PHIP: variants seen among roughly 807,000 people sequenced by gnomAD.
PHIP encodes the protein PHIP subunit of CUL4-Ring ligase complex, also known as PH-interacting protein.
In PHIP, 54 loss-of-function variants were observed where a neutral mutation model predicts 236.8. That is an observed-to-expected ratio of 0.23 (90% CI 0.18 to 0.29). The LOEUF (loss-of-function observed/expected upper bound fraction) is 0.29. PHIP is among the 10% of genes least tolerant of loss of function. The probability of loss-of-function intolerance (pLI) is 1.00; values close to 1 mark genes in which losing one functional copy is unlikely to be tolerated. For missense variants in PHIP, 1,370 were observed against 2,190.8 expected (o/e 0.63, Z 7.48); for synonymous variants, 756 against 718.9 (o/e 1.05, Z -0.83).
chr6:78,965,904 G>T, intron 28 of PHIP, 41 bp downstream of exon 28: 1 of 1,448,106 alleles, frequency 6.9e-7, no homozygotes, highest in Non-Finnish European at 9.7e-7. Flanking sequence ...AAAATTCAAA[G>T]CAAGCCTAGG....
At chr6:78,954,466 A>T (rs1322610328) in intron 35 of PHIP, among the ~76,000 whole-genome samples, 1 of 152,124 alleles carries the variant, frequency 6.6e-6, no homozygotes, top group Admixed American at 6.6e-5. Flanking sequence ...CGTAGGCATT[A>T]TTCTTTTTTT....
At chr6:79,015,808 C>T (rs1770808790) in intron 13 of PHIP, 25 bp from the exon 14 acceptor site, 1 of 1,577,706 alleles carries the variant, frequency 6.3e-7, no homozygotes, top group Non-Finnish European at 8.6e-7. Context: ...GTGTTTTACA[C>T]TGACTATTAA....
intron 21 of PHIP, among the ~76,000 whole-genome samples, chr6:78,986,157 T>C (rs1768856466): frequency 6.6e-6 from 1 of 152,232 alleles, no homozygotes; most frequent in Non-Finnish European, 1.5e-5. Context: ...TATGTTTTAC[T>C]TATTAAAACA....
At chr6:79,072,528 C>T (rs1045047312) in intron 4 of PHIP, among the ~76,000 whole-genome samples, 12 of 151,964 alleles carry the variant, frequency 7.9e-5, no homozygotes, top group Admixed American at 2.0e-4. Flanking sequence ...GTCACCCACG[C>T]TGGAGGGCAG....
At chr6:78,988,136 G>T in intron 21 of PHIP, 73 bp downstream of exon 21, 1 of 1,083,806 alleles carries the variant, frequency 9.2e-7, no homozygotes, top group Non-Finnish European at 1.3e-6. Flanking sequence ...ATCAATAAAT[G>T]CGAAGAATGA....
intron 35 of PHIP, among the ~76,000 whole-genome samples, chr6:78,948,994 T>C (rs976544627): frequency 1.3e-5 from 2 of 152,206 alleles, no homozygotes; most frequent in Non-Finnish European, 2.9e-5. Flanking sequence ...CTTGCCTTAT[T>C]GCATTGGCTA....
At chr6:78,948,966 T>G (rs1290625435) in intron 35 of PHIP, among the ~76,000 whole-genome samples, 1 of 152,228 alleles carries the variant, frequency 6.6e-6, no homozygotes, top group Admixed American at 6.5e-5. Context: ...CCAATAGTTA[T>G]GCCTTTTATT....
At chr6:79,010,647 G>T (rs1020403837) in intron 15 of PHIP, among the ~76,000 whole-genome samples, 20 of 151,814 alleles carry the variant, frequency 1.3e-4, no homozygotes, top group Admixed American at 1.1e-3. Flanking sequence ...TGGAAAGAGA[G>T]ATAGAGACAC....
At chr6:79,060,182 T>C (rs1236283392) in intron 6 of PHIP, among the ~76,000 whole-genome samples, 2 of 152,068 alleles carry the variant, frequency 1.3e-5, no homozygotes, top group Non-Finnish European at 2.9e-5. Context: ...ATCTGAATTA[T>C]ATATTGATTC....
intron 6 of PHIP, among the ~76,000 whole-genome samples, chr6:79,052,177 G>A (rs774616675): frequency 1.4e-4 from 21 of 152,180 alleles, no homozygotes; most frequent in Non-Finnish European, 2.4e-4. Context: ...CGTTGGGGCT[G>A]AGGGGTGGAT....
intron 27 of PHIP, 35 bp downstream of exon 27, chr6:78,969,800 A>T: frequency 9.7e-7 from 1 of 1,032,452 alleles, no homozygotes; most frequent in Non-Finnish European, 1.4e-6. Flanking sequence ...AAAAAACCAC[A>T]TCAAACATCG....
intron 4 of PHIP, among the ~76,000 whole-genome samples, chr6:79,064,458 C>T (rs1269324043): frequency 6.6e-6 from 1 of 152,186 alleles, no homozygotes; most frequent in Non-Finnish European, 1.5e-5. Context: ...CCTCAATCTA[C>T]TCCACACTAG....
intron 12 of PHIP, among the ~76,000 whole-genome samples, chr6:79,017,065 A>G (rs1470263915): frequency 6.6e-6 from 1 of 152,002 alleles, no homozygotes; most frequent in Non-Finnish European, 1.5e-5. Flanking sequence ...TACATTTTCA[A>G]TCTATACCAA....
chr6:79,024,168 A>C (rs186511710), intron 9 of PHIP, among the ~76,000 whole-genome samples: 1 of 152,358 alleles, frequency 6.6e-6, no homozygotes, highest in East Asian at 1.9e-4. Context: ...CCAAGCTGCC[A>C]TAAGAACCAC....
intron 39 of PHIP, among the ~76,000 whole-genome samples, chr6:78,942,648 G>C (rs1312025641): frequency 6.6e-6 from 1 of 152,174 alleles, no homozygotes; most frequent in Non-Finnish European, 1.5e-5. Flanking sequence ...ACATAAAGTA[G>C]TTAAGTATTT....
Position 78,941,188 on chromosome 6 carries a change from C to A in PHIP, c.4971G>T (p.Lys1657Asn). The part of the protein sequence containing the change: ...VNTNSGEIIH[K>N]KRGRKPKKLQ... ...GCTTTTTGGGCTTTCTACCCCTTTT[C>A]TTGTGTATAATTTCACCACTATTGG... The change falls in exon 40 of 40, where the codon AAG (lysine) becomes AAT (asparagine). Residue 1657 changes from lysine to asparagine, a missense_variant. Lys to Asn is a moderately conservative substitution (Grantham distance 94, BLOSUM62 0). This residue lies in a region of PHIP where 309 missense variants were observed against 328.3 expected (regional missense o/e 0.94). Transcript: ENST00000275034. The A allele has an allele frequency of 6.2e-7, 1 of 1,613,994 alleles. No individual in the cohort carries two copies. The highest frequency in any genetic ancestry group is 8.5e-7 in the Non-Finnish European group (1 of 1,179,942).
rs770301089 is a variant in PHIP at position 79,060,518 on chromosome 6, T to C, written c.399A>G (p.Pro133=). The stretch of plus-strand genomic sequence containing the variant: ...TACCATAGTTAACTGGTGACTCAGG[T>C]GGTCTTCCACAGTGCAACGCAGCCA... ...SALAALHCGR[P]PESPVNYGSP... The change falls in exon 6 of 40, where the codon CCA becomes CCG. Residue 133 remains proline (P), a synonymous_variant. Coordinates refer to ENST00000275034, the MANE Select transcript of PHIP (RefSeq NM_017934.7). The C allele has an allele frequency of 4.3e-6, 7 of 1,613,730 alleles. No individual in the cohort carries two copies. Among genetic ancestry groups the C allele is most frequent in the Non-Finnish European group, 5.9e-6 (7 of 1,179,780 alleles).
intron 28 of PHIP, 54 bp downstream of exon 28, chr6:78,965,891 A>G: frequency 7.3e-7 from 1 of 1,374,376 alleles, no homozygotes; most frequent in Non-Finnish European, 1.0e-6. Context: ...ATAGATGGAA[A>G]AAAAAATTCA....
Position 78,960,697 on chromosome 6 carries a change from T to G in PHIP, c.3656+993A>C, listed in dbSNP as rs112450824. The stretch of plus-strand genomic sequence containing the variant: ...GGTTCTCAATCAAGGACAATTATGC[T>G]CCCCAGAAGACATGTGACAATGTCT... On this transcript the variant is annotated intron_variant, in intron 31 of 39. Transcript: ENST00000275034. Among the ~76,000 whole-genome samples the G allele has an allele frequency of 8.6e-3, 1,309 of 152,154 alleles. 8 individuals carry two copies. The highest frequency in any genetic ancestry group is 0.012 in the Non-Finnish European group (847 of 67,972).
Sources: allele counts gnomAD v4.1 joint callset (sites outside exome capture counted in the v4.1 genomes callset), GRCh38; gene constraint gnomAD v4.1.1; regional missense constraint gnomAD v4.1.1; transcripts MANE v1.5; gene names NCBI Gene and HGNC (gene_info 2026-07-23, HGNC 2026-07-21).